The following PRUNE2 variants were observed in gnomAD, a reference collection of about 807,000 sequenced individuals.
PRUNE2 encodes the protein protein prune homolog 2.
A neutral mutation model predicts 252.0 loss-of-function variants in PRUNE2; 164 were observed. That is an observed-to-expected ratio of 0.65 (90% confidence interval 0.57 to 0.74). The LOEUF (loss-of-function observed/expected upper bound fraction) is 0.74. Ranked by LOEUF, PRUNE2 falls within the 30% of genes least tolerant of loss-of-function variation. The probability of loss-of-function intolerance (pLI) is 0.00; values close to 1 mark genes in which losing one functional copy is unlikely to be tolerated. For missense variants in PRUNE2, 3,495 were observed against 3,711.0 expected (o/e 0.94, Z 1.51); for synonymous variants, 1,292 against 1,350.2 (o/e 0.96, Z 0.94).
rs1827608285 is a variant in PRUNE2 at position 76,612,083 on chromosome 9, T to C, written c.*2487A>G. The C allele has an allele frequency of 6.6e-6, 1 of 152,322 alleles. No individual in the cohort carries two copies. Among genetic ancestry groups the C allele is most frequent in the Admixed American group, 6.5e-5 (1 of 15,286 alleles). 9.4% of individuals were successfully genotyped at this position (152,322 alleles called of 1,614,324 possible). A position where few individuals can be genotyped will look rare whatever the true frequency, so the allele number is the denominator to read the frequency against. On this transcript the variant is annotated 3_prime_UTR_variant, in exon 19 of 19. Coordinates refer to ENST00000376718, the MANE Select transcript of PRUNE2 (RefSeq NM_015225.3). ...GGATTCTATTTACTTGGGGTGAATGTACATGGTAGCTTTTCCCTAGCACAT... is the reference window on the plus strand; with the variant it reads ...GGATTCTATTTACTTGGGGTGAATGCACATGGTAGCTTTTCCCTAGCACAT...
At chr9:76,818,728 T>C (rs2057849212) in intron 6 of PRUNE2, among the ~76,000 whole-genome samples, 1 of 152,096 alleles carries the variant, frequency 6.6e-6, no homozygotes, top group Admixed American at 6.5e-5. Context: ...TGATATGAAA[T>C]AAAAATGTGG....
intron 1 of PRUNE2, chr9:76,856,940 G>A: frequency 2.6e-6 from 1 of 381,938 alleles, no homozygotes; most frequent in Non-Finnish European, 5.1e-6. Flanking sequence ...TTTTAGTAGA[G>A]ACGGAGTTTC....
chr9:76,682,615 T>C (rs555698159), intron 9 of PRUNE2, among the ~76,000 whole-genome samples: 1 of 152,278 alleles, frequency 6.6e-6, no homozygotes, highest in Non-Finnish European at 1.5e-5. Context: ...GTGATCTGCC[T>C]GCTTTAGCCT....
At chr9:76,693,656 CT>C (rs1426346149) in intron 9 of PRUNE2, among the ~76,000 whole-genome samples, 1 of 151,928 alleles carries the variant, frequency 6.6e-6, no homozygotes, top group Non-Finnish European at 1.5e-5. Flanking sequence ...ATTGGTGAGA[CT>C]GGTCTTGAAC....
rs143401372 is a variant in PRUNE2, at chr9:76,740,682, C to G, written c.757-26961G>C. On this transcript the variant is annotated intron_variant, in intron 6 of 18. Coordinates refer to ENST00000376718, the MANE Select transcript of PRUNE2 (RefSeq NM_015225.3). Reference sequence around the variant, plus strand: ...GTTTTCCTTGCTTAAGAATAAGAACCCTTTATATTTAATTAAACATTTTTA... The same window carrying G: ...GTTTTCCTTGCTTAAGAATAAGAACGCTTTATATTTAATTAAACATTTTTA... Among the ~76,000 whole-genome samples the G allele has an allele frequency of 9.1e-3, 1,376 of 151,830 alleles. 24 individuals carry two copies. Among genetic ancestry groups the G allele is most frequent in the African/African-American group, 0.031 (1,297 of 41,390 alleles).
At chr9:76,732,117 A>G (rs373790826) in intron 6 of PRUNE2, among the ~76,000 whole-genome samples, 2 of 152,254 alleles carry the variant, frequency 1.3e-5, no homozygotes, top group East Asian at 3.9e-4. Context: ...GATCAAGACC[A>G]TCCTGGCTAA....
intron 9 of PRUNE2, among the ~76,000 whole-genome samples, chr9:76,678,685 CG>C (rs1319296256): frequency 6.6e-6 from 1 of 151,976 alleles, no homozygotes. Flanking sequence ...AAAAATTAGC[CG>C]GGCGTGGTGG....
chr9:76,800,260 C>A (rs2056459727), intron 6 of PRUNE2, among the ~76,000 whole-genome samples: 1 of 149,894 alleles, frequency 6.7e-6, no homozygotes, highest in Non-Finnish European at 1.5e-5. Context: ...TCCAAGTGTT[C>A]TCATTGTTCA....
At chr9:76,647,455 T>G (rs1845408099) in intron 11 of PRUNE2, among the ~76,000 whole-genome samples, 2 of 152,180 alleles carry the variant, frequency 1.3e-5, no homozygotes, top group African/African-American at 4.8e-5. Context: ...GTAACTGGCC[T>G]TGGATGCAAA....
chr9:76,902,826 G>C (rs1389053383), intron 1 of PRUNE2, among the ~76,000 whole-genome samples: 3 of 152,170 alleles, frequency 2.0e-5, no homozygotes, highest in Admixed American at 6.5e-5. Context: ...GGCCACACCT[G>C]GAGTTTACTT....
chr9:76,748,396 A>C (rs1377764810), intron 6 of PRUNE2, among the ~76,000 whole-genome samples: 1 of 152,184 alleles, frequency 6.6e-6, no homozygotes, highest in Non-Finnish European at 1.5e-5. Flanking sequence ...CAGGCCAGCT[A>C]ATGGGATGCA....
chr9:76,884,243 A>G (rs574182573), intron 1 of PRUNE2, among the ~76,000 whole-genome samples: 1 of 152,204 alleles, frequency 6.6e-6, no homozygotes, highest in Non-Finnish European at 1.5e-5. Context: ...AAATAACCCC[A>G]CCCTAGAGCT....
At chr9:76,741,366 A>G (rs2049602979) in intron 6 of PRUNE2, among the ~76,000 whole-genome samples, 1 of 152,242 alleles carries the variant, frequency 6.6e-6, no homozygotes, top group Non-Finnish European at 1.5e-5. Flanking sequence ...ATCAACTGAT[A>G]GATTCATGAA....
chr9:76,895,485 G>A (rs1448778495), intron 1 of PRUNE2, among the ~76,000 whole-genome samples: 1 of 152,162 alleles, frequency 6.6e-6, no homozygotes, highest in Admixed American at 6.5e-5. Context: ...GGCTTTGTCA[G>A]ACAACCGAAG....
chr9:76,754,848 C>A (rs1170021700), intron 6 of PRUNE2, among the ~76,000 whole-genome samples: 1 of 151,616 alleles, frequency 6.6e-6, no homozygotes, highest in Non-Finnish European at 1.5e-5. Flanking sequence ...CTGCTGTAGT[C>A]CCAGCTACTT....
At chr9:76,646,239 T>C (rs1053025348) in intron 11 of PRUNE2, among the ~76,000 whole-genome samples, 5 of 152,074 alleles carry the variant, frequency 3.3e-5, no homozygotes, top group Non-Finnish European at 7.4e-5. Flanking sequence ...CAAAAACAAT[T>C]GGGAAGGTGG....
At chr9:76,824,758 T>G (rs963567537) in intron 5 of PRUNE2, among the ~76,000 whole-genome samples, 2 of 152,200 alleles carry the variant, frequency 1.3e-5, no homozygotes, top group African/African-American at 4.8e-5. Flanking sequence ...AGACCACTGC[T>G]TGCACTACCT....
intron 1 of PRUNE2, among the ~76,000 whole-genome samples, chr9:76,896,542 C>T (rs1027523110): frequency 6.6e-6 from 1 of 152,184 alleles, no homozygotes; most frequent in Non-Finnish European, 1.5e-5. Flanking sequence ...TACTTGCTTC[C>T]TTCTTGAATC....
At chr9:76,619,617 A>G (rs1234578538) in intron 17 of PRUNE2, among the ~76,000 whole-genome samples, 3 of 152,218 alleles carry the variant, frequency 2.0e-5, no homozygotes, top group Non-Finnish European at 4.4e-5. Flanking sequence ...AAAAACTCCA[A>G]ACACCTCCAG....
Sources: gnomAD v4.1 joint callset for allele counts (sites outside exome capture counted in the v4.1 genomes callset) on GRCh38, gnomAD v4.1.1 for gene constraint, MANE v1.5 for transcripts, NCBI Gene and HGNC (gene_info 2026-07-23, HGNC 2026-07-21) for gene names.